Variants in SZT2 observed in about 807,000 individuals in gnomAD.
SZT2 encodes KICSTOR complex protein SZT2.
In SZT2, 216 loss-of-function variants were observed where a neutral mutation model predicts 404.2. The observed-to-expected ratio is 0.53, with a 90% CI of 0.48 to 0.60. The LOEUF is 0.60. SZT2 is among the 20% of genes least tolerant of loss of function. The pLI, the probability that SZT2 is intolerant of heterozygous loss-of-function variation, is 0.00. For missense variants in SZT2, 3,857 were observed against 4,459.2 expected (o/e 0.86, Z 3.85); for synonymous variants, 1,693 against 1,749.9 (o/e 0.97, Z 0.81).
At chr1:43,390,071 C>T in intron 1 of SZT2, 76 bp downstream of exon 1, 1 of 1,366,566 alleles carries the variant, frequency 7.3e-7, no homozygotes, top group Non-Finnish European at 9.4e-7. Flanking sequence ...TGGCGTTGGC[C>T]TCCTCTAGGT....
At position 43,437,666 on chromosome 1, in the gene SZT2, G is replaced by A. The variant is rs1223549118; in HGVS notation, c.6362G>A (p.Arg2121Gln). Residue 2121 changes from arginine (R) to glutamine (Q), a missense_variant, in exon 45 of 72, where the codon CGA (arginine) becomes CAA (glutamine). Transcript: ENST00000634258. The surrounding 1 kb of genome is among the most constrained non-coding windows in gnomAD (Gnocchi z 5.3). ...CTGCCCCCTTCCCTCGCTCTGTCCC[G>A]AAGCCAAGAGCCCATCTACTCTGAG... Reference protein sequence around the residue: ...DALPPSLALSRSQEPIYSEEA... With the variant: ...DALPPSLALSQSQEPIYSEEA... 9 of 1,613,900 alleles carry A rather than the reference G, an allele frequency of 5.6e-6. No individual in the cohort carries two copies. The highest frequency in any genetic ancestry group is 1.1e-5 in the South Asian group (1 of 91,074).
chr1:43,393,521 G>A (rs545977368), intron 1 of SZT2, among the ~76,000 whole-genome samples: 1 of 152,298 alleles, frequency 6.6e-6, no homozygotes, highest in African/African-American at 2.4e-5. Flanking sequence ...GAGAGATAAG[G>A]CTGGAGAAGA....
At chr1:43,400,276 A>G (rs1345765492) in intron 1 of SZT2, among the ~76,000 whole-genome samples, 1 of 152,182 alleles carries the variant, frequency 6.6e-6, no homozygotes, top group East Asian at 1.9e-4. Context: ...AGAGAATATA[A>G]TACGCAAGTG....
chr1:43,437,755 CTG>C lies in SZT2; in HGVS notation c.6397-35_6397-34del, dbSNP rs1261441157. 2 of 1,614,124 alleles carry C rather than the reference CTG, an allele frequency of 1.2e-6. No individual in the cohort carries two copies. The highest frequency in any genetic ancestry group is 1.6e-4 in the Middle Eastern group (1 of 6,062). On this transcript the variant is annotated intron_variant, in intron 45 of 71. Transcript: ENST00000634258. This position sits in a 1 kb window ranked among gnomAD's most constrained non-coding sequence, Gnocchi z 5.3. ...CTGTGTTCCTCTTGCACTTTGCTCT[CTG>C]GAACCGGGGCCCTGACCACAGTTTT...
In SZT2 at chr1:43,447,550, T is replaced by C. The variant is rs12089231; in HGVS notation, c.9292T>C (p.Leu3098=). 776 of 1,613,874 alleles carry C rather than the reference T, an allele frequency of 4.8e-4. 4 individuals carry two copies. The African/African-American group carries it at 9.0e-3, about 19-fold the overall frequency. The change falls in exon 67 of 72, where the codon TTG becomes CTG. Residue 3098 remains leucine (L), a synonymous_variant. Coordinates refer to ENST00000634258, the MANE Select transcript of SZT2 (RefSeq NM_001365999.1). ...FGRNHIYQGT[L]ELPTPLIAAH... Reference sequence around the variant, plus strand: ...TCCTGTTACTTATCCCTCAGGGACATTGGAGCTCCCCACACCACTCATTGC... The same window carrying C: ...TCCTGTTACTTATCCCTCAGGGACACTGGAGCTCCCCACACCACTCATTGC...
chr1:43,400,473 C>T (rs1184148617), intron 1 of SZT2, among the ~76,000 whole-genome samples: 3 of 152,186 alleles, frequency 2.0e-5, no homozygotes, highest in African/African-American at 7.2e-5. Flanking sequence ...GGTTTGACTT[C>T]TGAGCCTACA....
chr1:43,390,636 C>CAAGG (rs1275353685), intron 1 of SZT2, among the ~76,000 whole-genome samples: 1 of 152,172 alleles, frequency 6.6e-6, no homozygotes, highest in African/African-American at 2.4e-5. Context: ...AAGGAACATG[C>CAAGG]AAGGAACCTT....
chr1:43,417,522 A>G (rs988222637), intron 7 of SZT2, among the ~76,000 whole-genome samples: 1 of 152,162 alleles, frequency 6.6e-6, no homozygotes, highest in Non-Finnish European at 1.5e-5. Flanking sequence ...TAAGAACATC[A>G]CCTTTGGAGT....
In SZT2 at chr1:43,443,472, G is replaced by A. The variant is rs745942076; in HGVS notation, c.8620G>A (p.Gly2874Arg). Residue 2874 changes from glycine to arginine, a missense_variant, in exon 61 of 72, where the codon GGG becomes AGG. Physicochemically the swap from Gly to Arg is moderately radical, Grantham distance 125. Around this residue, in one of 7 missense-constraint regions of SZT2, gnomAD observed 717 missense variants for 868.2 expected, o/e 0.83. Transcript: ENST00000634258. Reference sequence around the variant, plus strand: ...CCCAGAGACCTCTGGACCCCCTGACGGGCAGGTAAGGCTGACTCCCAGACT... The same window carrying A: ...CCCAGAGACCTCTGGACCCCCTGACAGGCAGGTAAGGCTGACTCCCAGACT... ...GPPETSGPPD[G>R]QRRHRPESGS... The A allele has an allele frequency of 5.6e-6, 9 of 1,614,072 alleles. 1 individual carries two copies. Among genetic ancestry groups the A allele is most frequent in the Admixed American group, 3.3e-5 (2 of 60,022 alleles).
rs548247662 is a variant in SZT2 at position 43,449,827 on chromosome 1, C to T, written c.10087-276C>T. 9.1e-6 allele frequency: 5 copies of T among 550,910 alleles called. No homozygotes were observed. The East Asian group carries it at 1.3e-4, about 14-fold the overall frequency. The allele number at this position is 550,910 out of a possible 1,614,324, so 34.1% of individuals were successfully genotyped here. On this transcript the variant is annotated intron_variant, in intron 70 of 71. Transcript: ENST00000634258. ...AGGAGGTTGTGCCAGGGGTACAGCACTCTCTGTTGATTGGCTTCAGTGTGC... is the reference window on the plus strand; with the variant it reads ...AGGAGGTTGTGCCAGGGGTACAGCATTCTCTGTTGATTGGCTTCAGTGTGC...
In SZT2 at chr1:43,439,131, C is replaced by T; in HGVS notation, c.6792+38C>T. 1.2e-6 allele frequency: 2 copies of T among 1,611,450 alleles called. No individual in the cohort carries two copies. The highest frequency in any genetic ancestry group is 1.7e-4 in the Middle Eastern group (1 of 6,058). On this transcript the variant is annotated intron_variant, in intron 48 of 71. Transcript: ENST00000634258. This position sits in a 1 kb window ranked among gnomAD's most constrained non-coding sequence, Gnocchi z 4.2. ...TCATCTCTCTCCACACTCATGTGCA[C>T]CCCTGCCCCCTGCCCCACGCACTTA...
intron 39 of SZT2, 81 bp from the exon 40 acceptor site, chr1:43,432,908 C>T (rs896706858): frequency 1.9e-5 from 30 of 1,590,994 alleles, no homozygotes; most frequent in Middle Eastern, 1.7e-4. Context: ...ATCTGAAGTG[C>T]ATCAAGCCAG....
chr1:43,394,175 G>T (rs2153927387), intron 1 of SZT2: 15 of 415,064 alleles, frequency 3.6e-5, no homozygotes, highest in Non-Finnish European at 4.8e-5. Context: ...TGGAGACCTT[G>T]TTAGAATGTA....
intron 7 of SZT2, among the ~76,000 whole-genome samples, chr1:43,418,706 G>T (rs1252213630): frequency 2.0e-5 from 3 of 152,210 alleles, no homozygotes; most frequent in African/African-American, 7.2e-5. Flanking sequence ...GAGGGCCAGG[G>T]ATTTGAGAGC....
Position 43,432,329 on chromosome 1 carries a change from TTCTTC to T in SZT2, c.5334_5338del (p.Phe1779CysfsTer25). 6.2e-7 allele frequency: 1 copy of T among 1,605,462 alleles called. No individual in the cohort carries two copies. The highest frequency in any genetic ancestry group is 1.1e-5 in the South Asian group (1 of 89,740). On this transcript the variant is annotated frameshift_variant, in exon 37 of 72. Transcript: ENST00000634258. LOFTEE classifies it high-confidence loss of function. ...TCTTCTTGAAGACCCTGACAGTGGC[TTCTTC>T]TTTGTGGCAGCTGGCCAACAGCCAG...
At chr1:43,449,024 G>A (rs1378375346) in intron 70 of SZT2, 2 of 362,566 alleles carry the variant, frequency 5.5e-6, no homozygotes, top group East Asian at 5.3e-5. Context: ...TCAGTAGGCT[G>A]GAGCCCCAGA....
rs1655111569 is a variant in SZT2, at chr1:43,442,015, G to C, written c.7758G>C (p.Glu2586Asp). Reference protein sequence around the residue: ...IFEQHLGSEPEIFGPCSPGQL... With the variant: ...IFEQHLGSEPDIFGPCSPGQL... ...CTTTCAATAGGGGTTCAGAGCCAGA[G>C]ATCTTCGGCCCTTGTTCCCCTGGGC... The change falls in exon 56 of 72, where the codon GAG (glutamate) becomes GAC (aspartate). Residue 2586 changes from glutamate to aspartate, a missense_variant. By Grantham distance (45) the Glu-to-Asp change is conservative. This residue lies in a region of SZT2 where 573 missense variants were observed against 592.4 expected (regional missense o/e 0.97). Coordinates refer to ENST00000634258, the MANE Select transcript of SZT2 (RefSeq NM_001365999.1). The surrounding 1 kb of genome is among the most constrained non-coding windows in gnomAD (Gnocchi z 4.5). The C allele has an allele frequency of 6.2e-7, 1 of 1,613,312 alleles. No individual in the cohort carries two copies. The highest frequency in any genetic ancestry group is 1.3e-5 in the African/African-American group (1 of 74,906).
chr1:43,403,460 C>T, intron 2 of SZT2, 141 bp from the exon 3 acceptor site: 3 of 1,397,108 alleles, frequency 2.1e-6, no homozygotes, highest in Non-Finnish European at 2.9e-6. Flanking sequence ...AATAATTTTT[C>T]CAGAGAGTGA....
chr1:43,439,107 C>T lies in SZT2; in HGVS notation c.6792+14C>T, dbSNP rs775078118. ...AACCACTTCCAAGTGAGATGGCACT[C>T]ATCTCTCTCCACACTCATGTGCACC... On this transcript the variant is annotated intron_variant, in intron 48 of 71. Coordinates refer to ENST00000634258, the MANE Select transcript of SZT2 (RefSeq NM_001365999.1). The surrounding 1 kb of genome is among the most constrained non-coding windows in gnomAD (Gnocchi z 4.2). 4 of 1,613,920 alleles carry T rather than the reference C, an allele frequency of 2.5e-6. No individual in the cohort carries two copies. The South Asian group carries it at 3.3e-5, about 13-fold the overall frequency.
Sources: allele counts gnomAD v4.1 joint callset (sites outside exome capture counted in the v4.1 genomes callset), GRCh38; gene constraint gnomAD v4.1.1; regional missense constraint gnomAD v4.1.1; non-coding constraint Gnocchi (gnomAD v3.1); transcripts MANE v1.5; gene names NCBI Gene and HGNC (gene_info 2026-07-23, HGNC 2026-07-21).